The following LCA5 variants were observed in gnomAD, a reference collection of about 807,000 sequenced individuals.
LCA5 encodes lebercilin.
Under a neutral mutation model 53.0 loss-of-function variants are expected in LCA5, and 37 were observed. The observed-to-expected ratio is 0.70, with a 90% CI of 0.54 to 0.92. LCA5 has a LOEUF of 0.92. Among genes scored for constraint, LCA5 ranks in the 40% least tolerant of loss-of-function variants. The probability of loss-of-function intolerance (pLI) is 0.00; values close to 1 mark genes in which losing one functional copy is unlikely to be tolerated. For synonymous variants in LCA5, 303 were observed against 282.9 expected, an observed-to-expected ratio of 1.07 and a Z score of -0.71; for missense variants, 806 against 790.5, an observed-to-expected ratio of 1.02 and a Z score of -0.23.
intron 1 of LCA5, 94 bp from the exon 2 acceptor site, chr6:79,519,179 A>G (rs1766546143): frequency 2.3e-6 from 1 of 427,024 alleles, no homozygotes; most frequent in South Asian, 2.5e-5. Context: ...AAAATAATAT[A>G]TAGCTTACAA....
chr6:79,517,636 T>C (rs1186742495), intron 2 of LCA5, among the ~76,000 whole-genome samples: 2 of 152,176 alleles, frequency 1.3e-5, no homozygotes, highest in African/African-American at 2.4e-5. Context: ...CCAATTGTTA[T>C]AAATGGTTAG....
chr6:79,491,263 A>C (rs979698214), intron 6 of LCA5, among the ~76,000 whole-genome samples: 2 of 152,088 alleles, frequency 1.3e-5, no homozygotes, highest in African/African-American at 4.8e-5. Context: ...TAAAACACTC[A>C]AGCCAAAGGA....
At chr6:79,515,023 T>TA (rs1240565779) in intron 2 of LCA5, among the ~76,000 whole-genome samples, 24 of 146,154 alleles carry the variant, frequency 1.6e-4, no homozygotes, top group African/African-American at 4.0e-4. Context: ...AACTTAAAAC[T>TA]AAAAAAAAAA....
chr6:79,487,988 G>C (rs1179293888), intron 7 of LCA5, 122 bp from the exon 8 acceptor site: 1 of 766,626 alleles, frequency 1.3e-6, no homozygotes, highest in African/African-American at 1.8e-5. Context: ...AGTGAGAAAA[G>C]ACATCATAAA....
At chr6:79,522,316 C>T (rs2127684943) in intron 1 of LCA5, among the ~76,000 whole-genome samples, 1 of 152,078 alleles carries the variant, frequency 6.6e-6, no homozygotes, top group East Asian at 1.9e-4. Flanking sequence ...GGCTGTATTG[C>T]TACAGAAAAG....
At chr6:79,492,941 G>C (rs1307607681) in intron 4 of LCA5, among the ~76,000 whole-genome samples, 1 of 151,972 alleles carries the variant, frequency 6.6e-6, no homozygotes, top group Non-Finnish European at 1.5e-5. Context: ...GAGACACAGA[G>C]ACAAATAATT....
chr6:79,487,038 A>G lies in LCA5; in HGVS notation c.2060T>C (p.Val687Ala). 6.2e-7 allele frequency: 1 copy of G among 1,613,646 alleles called. No homozygotes were observed. Among genetic ancestry groups the G allele is most frequent in the Non-Finnish European group, 8.5e-7 (1 of 1,179,772 alleles). Reference sequence around the variant, plus strand: ...TGCTACTTCTTCAATTTCATCTTCTACAGAATCAGCTGCTTTTACTGCTGG... The same window carrying G: ...TGCTACTTCTTCAATTTCATCTTCTGCAGAATCAGCTGCTTTTACTGCTGG... Reference protein sequence around the residue: ...DKPAVKAADSVEDEIEEVALR With the variant: ...DKPAVKAADSAEDEIEEVALR The change falls in exon 8 of 8, where the codon GTA becomes GCA. Residue 687 changes from valine (V) to alanine (A), a missense_variant. Transcript: ENST00000369846.
chr6:79,490,299 AAAAG>A (rs1265247482), intron 6 of LCA5, among the ~76,000 whole-genome samples: 1 of 117,764 alleles, frequency 8.5e-6, no homozygotes, highest in African/African-American at 3.6e-5. Flanking sequence ...ATCTGACTAA[AAAAG>A]AAAAAGAAAA....
At chr6:79,530,222 G>A (rs1025805193) in intron 1 of LCA5, among the ~76,000 whole-genome samples, 1 of 152,098 alleles carries the variant, frequency 6.6e-6, no homozygotes, top group Non-Finnish European at 1.5e-5. Flanking sequence ...GCTAACTCAA[G>A]TTTAAGAAAG....
chr6:79,529,264 C>T (rs1766883311), intron 1 of LCA5, among the ~76,000 whole-genome samples: 1 of 152,078 alleles, frequency 6.6e-6, no homozygotes, highest in African/African-American at 2.4e-5. Context: ...ATTCAAGTAC[C>T]AGAAAGGTTT....
chr6:79,488,391 CCT>C (rs201765622), intron 7 of LCA5: 1,562 of 152,968 alleles, frequency 0.01, 25 homozygotes, highest in African/African-American at 0.036. Context: ...TTTTTCCTTC[CCT>C]CTCTCTCTCT....
chr6:79,489,140 A>G lies in LCA5; in HGVS notation c.1175T>C (p.Phe392Ser), dbSNP rs765632299. 2 of 1,613,132 alleles carry G rather than the reference A, an allele frequency of 1.2e-6. No individual in the cohort carries two copies. Among genetic ancestry groups the G allele is most frequent in the East Asian group, 2.2e-5 (1 of 44,840 alleles). Residue 392 changes from phenylalanine to serine, a missense_variant, in exon 7 of 8, where the codon TTT becomes TCT. Transcript: ENST00000369846. ...GACATGGAGTTCTTCATCTGTAACA[A>G]ATTTTTCTTCTCTTTCCATAATTGG... Reference protein sequence around the residue: ...LNPIMEREEKFVTDEELHVVK... With the variant: ...LNPIMEREEKSVTDEELHVVK...
Position 79,513,719 on chromosome 6 carries a change from C to G in LCA5, c.213G>C (p.Lys71Asn). The G allele has an allele frequency of 1.9e-6, 3 of 1,613,472 alleles. No homozygotes were observed. The highest frequency in any genetic ancestry group is 2.2e-5 in the East Asian group (1 of 44,858). The change falls in exon 3 of 8, where the codon AAG becomes AAC. Residue 71 changes from lysine to asparagine, a missense_variant. By Grantham distance (94) the Lys-to-Asn change is moderately conservative. Coordinates refer to ENST00000369846, the MANE Select transcript of LCA5 (RefSeq NM_001122769.3). ...HHQAPRKPSP[K>N]GLPNRKGVRV... Reference sequence around the variant, plus strand: ...GGACTCCCTTTCTGTTTGGTAGACCCTTAGGGCTTGGTTTCCGAGGGGCTA... The same window carrying G: ...GGACTCCCTTTCTGTTTGGTAGACCGTTAGGGCTTGGTTTCCGAGGGGCTA...
At chr6:79,537,836 A>C (rs567806976), upstream of LCA5, among the ~76,000 whole-genome samples, 1 of 152,124 alleles carries the variant, frequency 6.6e-6, no homozygotes, top group African/African-American at 2.4e-5. Context: ...ACAAACTGCT[A>C]GTGCTTCTGG....
rs1769808065 is a variant in LCA5 at position 79,490,522 on chromosome 6, C to T, written c.1098+1066G>A. ...TGTTGAATGTATACTGTAAAAAGAC[C>T]TATATTTTAGTCCTTTTAAAGTTAA... On this transcript the variant is annotated intron_variant, in intron 6 of 7. Transcript: ENST00000369846. Among the ~76,000 whole-genome samples, 5 of 152,144 alleles carry T rather than the reference C, an allele frequency of 3.3e-5. No homozygotes were observed. In the South Asian group the frequency reaches 8.3e-4, roughly 25 times the overall value.
chr6:79,536,350 T>C (rs1767119056), intron 1 of LCA5, among the ~76,000 whole-genome samples: 1 of 152,190 alleles, frequency 6.6e-6, no homozygotes, highest in Admixed American at 6.5e-5. Context: ...ATTGCAAAGA[T>C]ATCTCTAATG....
intron 3 of LCA5, among the ~76,000 whole-genome samples, chr6:79,494,781 C>G (rs1049008865): frequency 1.3e-5 from 2 of 152,092 alleles, no homozygotes; most frequent in Admixed American, 6.5e-5. Flanking sequence ...TATTAGGGTG[C>G]TCCAATTTTT....
At chr6:79,520,304 T>C (rs1323991284) in intron 1 of LCA5, among the ~76,000 whole-genome samples, 3 of 152,090 alleles carry the variant, frequency 2.0e-5, no homozygotes, top group African/African-American at 7.2e-5. Flanking sequence ...CTTATACTAT[T>C]ATCATAAAGA....
intron 1 of LCA5, among the ~76,000 whole-genome samples, chr6:79,535,912 C>A (rs1408570009): frequency 1.3e-5 from 2 of 152,104 alleles, no homozygotes; most frequent in Non-Finnish European, 2.9e-5. Flanking sequence ...GAATGACAGG[C>A]AGATGAAGAA....
Sources: allele counts gnomAD v4.1 joint callset (sites outside exome capture counted in the v4.1 genomes callset), GRCh38; gene constraint gnomAD v4.1.1; transcripts MANE v1.5; gene names NCBI Gene and HGNC (gene_info 2026-07-23, HGNC 2026-07-21).